The following GSE1 variants were observed in gnomAD, a reference collection of about 807,000 sequenced individuals.
The protein encoded by GSE1 is Gse1 coiled-coil protein.
GSE1 carries 32 observed loss-of-function variants against 112.6 expected under a neutral mutation model. That is an observed-to-expected ratio of 0.28 (90% confidence interval 0.21 to 0.38). The LOEUF (loss-of-function observed/expected upper bound fraction) is 0.38, where lower values mean the gene tolerates loss of function less well. GSE1 is among the 10% of genes least tolerant of loss of function. The probability of loss-of-function intolerance (pLI) is 1.00; values close to 1 mark genes in which losing one functional copy is unlikely to be tolerated. For missense variants in GSE1, 2,348 were observed against 1,699.2 expected, an observed-to-expected ratio of 1.38 and a Z score of -6.71; for synonymous variants, 1,115 against 735.6, an observed-to-expected ratio of 1.52 and a Z score of -8.35.
rs1463653787 is a variant in GSE1, at chr16:85,373,632, G to A, written c.2464+15989G>A. Among the ~76,000 whole-genome samples the A allele has an allele frequency of 2.0e-5, 3 of 152,170 alleles. No individual in the cohort carries two copies. The highest frequency in any genetic ancestry group is 4.4e-5 in the Non-Finnish European group (3 of 68,020). On this transcript the variant is annotated intron_variant, in intron 2 of 2. Coordinates refer to the GSE1 transcript ENST00000637419. The surrounding 1 kb of genome is among the most constrained non-coding windows in gnomAD (Gnocchi z 5.1). ...GGAGTGAGTGTCTGGGAGGGCCACA[G>A]GTATGCTGGCCACGGCCTGGAAGAG...
chr16:85,617,745 G>A (rs906595955), intron 1 of GSE1, among the ~76,000 whole-genome samples: 1 of 152,036 alleles, frequency 6.6e-6, no homozygotes, highest in Admixed American at 6.5e-5. Context: ...CTTCTGCTGG[G>A]GGGAGCAATG....
intron 1 of GSE1, among the ~76,000 whole-genome samples, chr16:85,309,143 G>A (rs555191394): frequency 6.9e-4 from 105 of 151,774 alleles, no homozygotes; most frequent in African/African-American, 2.1e-3. Context: ...GACCCAGGCC[G>A]CCCACAGGAA....
chr16:85,299,680 C>T (rs1489026527), intron 1 of GSE1, among the ~76,000 whole-genome samples: 1 of 152,200 alleles, frequency 6.6e-6, no homozygotes, highest in Non-Finnish European at 1.5e-5. Context: ...ATAATCCCAG[C>T]ACTTTGGAAG....
rs576025876 is a variant in GSE1, at chr16:85,178,813, G to T, written c.2283+7006G>T. On this transcript the variant is annotated intron_variant, in intron 1 of 2. Transcript: ENST00000637419. ...GTGGTGGGGGCCTGCCGTCTGCACA[G>T]TGACGAGTGTCCTGGCAGGGGCTCG... Among the ~76,000 whole-genome samples the T allele has an allele frequency of 1.0e-3, 155 of 149,380 alleles. 1 individual carries two copies. The highest frequency in any genetic ancestry group is 4.3e-3 in the Admixed American group (65 of 14,952).
At chr16:85,321,896 G>A (rs1426916994) in intron 1 of GSE1, among the ~76,000 whole-genome samples, 2 of 152,152 alleles carry the variant, frequency 1.3e-5, no homozygotes, top group East Asian at 3.8e-4. Context: ...GAGGCTCCTA[G>A]AAGGACCTAA....
intron 1 of GSE1, among the ~76,000 whole-genome samples, chr16:85,356,998 C>T (rs1436841288): frequency 6.6e-6 from 1 of 152,182 alleles, no homozygotes; most frequent in Non-Finnish European, 1.5e-5. Flanking sequence ...TTGCCCAGCT[C>T]TCTGAGCCAA....
At chr16:85,390,708 C>CG (rs56399847) in intron 2 of GSE1, among the ~76,000 whole-genome samples, 3 of 133,926 alleles carry the variant, frequency 2.2e-5, no homozygotes, top group Non-Finnish European at 3.3e-5. Context: ...TTCTGCCCCC[C>CG]CCACCCCTCC....
intron 2 of GSE1, among the ~76,000 whole-genome samples, chr16:85,451,453 GTGGT>G (rs1477215497): frequency 6.8e-6 from 1 of 146,818 alleles, no homozygotes; most frequent in African/African-American, 2.5e-5. Context: ...GTGTGTGCTG[GTGGT>G]TGGTGCGTGC....
intron 2 of GSE1, among the ~76,000 whole-genome samples, chr16:85,641,069 T>C (rs1031769861): frequency 2.0e-5 from 3 of 152,232 alleles, no homozygotes; most frequent in Non-Finnish European, 2.9e-5. Flanking sequence ...GGGCCTGTCC[T>C]GGGATAATGG....
intron 1 of GSE1, among the ~76,000 whole-genome samples, chr16:85,263,716 G>T (rs138462174): frequency 6.6e-6 from 1 of 152,004 alleles, no homozygotes; most frequent in African/African-American, 2.4e-5. Context: ...GGGATTACAG[G>T]TGTGGGACAC....
intron 1 of GSE1, among the ~76,000 whole-genome samples, chr16:85,624,168 C>A (rs1050117419): frequency 5.3e-5 from 8 of 152,214 alleles, no homozygotes; most frequent in Admixed American, 5.2e-4. Context: ...ACTTGGAGAC[C>A]TCAGTGCCCG....
At chr16:85,194,525 G>C (rs1191335909) in intron 1 of GSE1, among the ~76,000 whole-genome samples, 1 of 152,200 alleles carries the variant, frequency 6.6e-6, no homozygotes, top group Non-Finnish European at 1.5e-5. Flanking sequence ...TTGAGCAGGA[G>C]ATGACTCTGG....
At chr16:85,312,202 T>TGGGGG (rs2045869479) in intron 1 of GSE1, among the ~76,000 whole-genome samples, 1 of 62,550 alleles carries the variant, frequency 1.6e-5, no homozygotes, top group Admixed American at 1.2e-4. Flanking sequence ...CTGATCCTCT[T>TGGGGG]GCGGGGGGGG....
At position 85,666,303 on chromosome 16, in the gene GSE1, A is replaced by C. The variant is rs771108283; in HGVS notation, c.3086A>C (p.Glu1029Ala). 1 of 1,613,898 alleles carries C rather than the reference A, an allele frequency of 6.2e-7. No homozygotes were observed. The highest frequency in any genetic ancestry group is 1.1e-5 in the South Asian group (1 of 91,088). ...GAAGAGTTTGCACATCAGTTCCACG[A>C]GTCAGTGCTGCAGTCCACCCAGAAG... ...VAEEFAHQFH[E>A]SVLQSTQKAL... The change falls in exon 13 of 16, where the codon GAG becomes GCG. Residue 1029 changes from glutamate to alanine, a missense_variant. Physicochemically the swap from Glu to Ala is moderately radical, Grantham distance 107 (BLOSUM62 -1). Coordinates refer to ENST00000253458, the MANE Select transcript of GSE1 (RefSeq NM_014615.5).
chr16:85,669,942 T>C (rs979112087), intron 14 of GSE1, among the ~76,000 whole-genome samples: 2 of 152,242 alleles, frequency 1.3e-5, no homozygotes, highest in African/African-American at 4.8e-5. Context: ...GCTCAGCTGT[T>C]TTTAGCCCAT....
At chr16:85,371,403 AC>A (rs2047297898) in intron 2 of GSE1, among the ~76,000 whole-genome samples, 1 of 152,108 alleles carries the variant, frequency 6.6e-6, no homozygotes, top group African/African-American at 2.4e-5. Flanking sequence ...CCGAGCTGTG[AC>A]TCGGTGAGGG....
At chr16:85,544,880 G>A (rs976838376) in intron 2 of GSE1, among the ~76,000 whole-genome samples, 3 of 152,356 alleles carry the variant, frequency 2.0e-5, no homozygotes, top group South Asian at 2.1e-4. Flanking sequence ...GAACAGGACC[G>A]CGGCCGGAGC....
chr16:85,255,159 G>A (rs2144057614), intron 1 of GSE1, among the ~76,000 whole-genome samples: 1 of 152,328 alleles, frequency 6.6e-6, no homozygotes, highest in South Asian at 2.1e-4. Flanking sequence ...GATGGAGCGA[G>A]TGGCAGAAGC....
chr16:85,372,558 C>T (rs1045213021), intron 2 of GSE1, among the ~76,000 whole-genome samples: 14 of 151,858 alleles, frequency 9.2e-5, no homozygotes, highest in Admixed American at 8.5e-4. Flanking sequence ...GTGCGCACCT[C>T]GTGCCCTTCT....
Sources: gnomAD v4.1 joint callset for allele counts (sites outside exome capture counted in the v4.1 genomes callset) on GRCh38, gnomAD v4.1.1 for gene constraint, Gnocchi (gnomAD v3.1) non-coding constraint, MANE v1.5 for transcripts, NCBI Gene and HGNC (gene_info 2026-07-23, HGNC 2026-07-21) for gene names.